PHF5A: variants seen among roughly 807,000 people sequenced by gnomAD.
The protein encoded by PHF5A is PHD finger protein 5A.
For missense variants in PHF5A, 24 were observed against 140.6 expected (o/e 0.17, Z 4.19); for synonymous variants, 52 against 46.0 (o/e 1.13, Z -0.52).
At chr22:41,465,938 A>G (rs1178925114) in intron 3 of PHF5A, among the ~76,000 whole-genome samples, 11 of 152,176 alleles carry the variant, frequency 7.2e-5, no homozygotes, top group African/African-American at 2.4e-5. Flanking sequence ...TAAGGACACT[A>G]CAAGGTTTAG....
intron 3 of PHF5A, among the ~76,000 whole-genome samples, chr22:41,466,713 A>G (rs750888484): frequency 1.3e-5 from 2 of 152,270 alleles, no homozygotes; most frequent in African/African-American, 2.4e-5. Context: ...TTTTTTGGCC[A>G]GGCGTGATGG....
At chr22:41,461,507 C>G (rs552620839) in intron 3 of PHF5A, among the ~76,000 whole-genome samples, 3 of 151,676 alleles carry the variant, frequency 2.0e-5, no homozygotes, top group African/African-American at 7.3e-5. Context: ...AGGTACACGC[C>G]GCCATGCCCG....
chr22:41,462,593 G>A (rs145887377), intron 3 of PHF5A, among the ~76,000 whole-genome samples: 2 of 152,246 alleles, frequency 1.3e-5, no homozygotes, highest in Non-Finnish European at 2.9e-5. Context: ...CTGGACAAAG[G>A]CCTGATATTA....
chr22:41,468,095 G>A, intron 2 of PHF5A, 29 bp downstream of exon 2: 1 of 1,612,884 alleles, frequency 6.2e-7, no homozygotes, highest in Non-Finnish European at 8.5e-7. Context: ...TGGGAAGGGT[G>A]GGTTGTTGGG....
In PHF5A at chr22:41,459,823, G is replaced by T. The variant is rs1320563713; in HGVS notation, c.*575C>A. 2 of 150,654 alleles carry T rather than the reference G, an allele frequency of 1.3e-5. No homozygotes were observed. The highest frequency in any genetic ancestry group is 2.4e-5 in the African/African-American group (1 of 40,832). The allele number at this position is 150,654 out of a possible 1,614,324, so 9.3% of individuals were successfully genotyped here. A position where few individuals can be genotyped will look rare whatever the true frequency, so the allele number is the denominator to read the frequency against. On this transcript the variant is annotated 3_prime_UTR_variant, in exon 4 of 4. Transcript: ENST00000216252. ...ACTAGTGGGCTATGATGATGCCTGT[G>T]AATAGCCAGCTACTGTACCCCACTG...
intron 2 of PHF5A, 48 bp from the exon 3 acceptor site, chr22:41,467,662 G>A (rs755238478): frequency 1.9e-6 from 3 of 1,591,364 alleles, no homozygotes; most frequent in South Asian, 1.1e-5. Context: ...TCAGTCCTCT[G>A]CTATCTCCTG....
intron 3 of PHF5A, 109 bp from the exon 4 acceptor site, chr22:41,460,596 C>T (rs1202306110): frequency 2.7e-6 from 2 of 727,936 alleles, no homozygotes; most frequent in Non-Finnish European, 4.3e-6. Flanking sequence ...GTCCCAGCTA[C>T]TACTCGAAGG....
chr22:41,468,042 C>G (rs1005163343), intron 2 of PHF5A, 82 bp downstream of exon 2: 3 of 1,472,334 alleles, frequency 2.0e-6, no homozygotes, highest in Non-Finnish European at 2.8e-6. Context: ...CTACTCAAAG[C>G]CCTCTTTGTG....
intron 2 of PHF5A, 99 bp from the exon 3 acceptor site, chr22:41,467,713 C>T: frequency 1.5e-6 from 2 of 1,292,704 alleles, no homozygotes; most frequent in East Asian, 2.3e-5. Context: ...ATACACTAGT[C>T]TCCTTTTGAC....
At chr22:41,463,279 A>T (rs979938843) in intron 3 of PHF5A, among the ~76,000 whole-genome samples, 10 of 152,108 alleles carry the variant, frequency 6.6e-5, no homozygotes, top group African/African-American at 2.4e-4. Flanking sequence ...ATGAGAAAAA[A>T]AAAATAAAAG....
intron 3 of PHF5A, 49 bp from the exon 4 acceptor site, chr22:41,460,536 A>T: frequency 2.7e-6 from 4 of 1,471,416 alleles, no homozygotes; most frequent in Non-Finnish European, 3.7e-6. Context: ...CTGAACCAAG[A>T]GTGACTTAAG....
At chr22:41,461,601 G>A (rs1790101886) in intron 3 of PHF5A, among the ~76,000 whole-genome samples, 1 of 151,868 alleles carries the variant, frequency 6.6e-6, no homozygotes, top group Non-Finnish European at 1.5e-5. Context: ...CAGGCAACCC[G>A]CCTGCCTCAG....
At chr22:41,462,727 T>C (rs890138021) in intron 3 of PHF5A, among the ~76,000 whole-genome samples, 1 of 152,136 alleles carries the variant, frequency 6.6e-6, no homozygotes, top group Admixed American at 6.6e-5. Context: ...GGACTTATAT[T>C]ACTCCTCAGC....
chr22:41,465,170 T>C (rs1263280671), intron 3 of PHF5A, among the ~76,000 whole-genome samples: 2 of 152,122 alleles, frequency 1.3e-5, no homozygotes, highest in Non-Finnish European at 1.5e-5. Context: ...GATTCAATGG[T>C]GTACTCACTT....
rs1021747450 is a variant in PHF5A, at chr22:41,468,685, C to T, written c.-32G>A. The stretch of plus-strand genomic sequence containing the variant: ...TAACTAAGCCGGCCACCGGAAGCTT[C>T]GGGAACTTCCGTCCGACCTTTAACC... On this transcript the variant is annotated 5_prime_UTR_variant, in exon 1 of 4. Coordinates refer to ENST00000216252, the MANE Select transcript of PHF5A (RefSeq NM_032758.4). 1 of 1,608,362 alleles carries T rather than the reference C, an allele frequency of 6.2e-7. No homozygotes were observed. Among genetic ancestry groups the T allele is most frequent in the Admixed American group, 1.7e-5 (1 of 59,994 alleles).
At chr22:41,467,668 T>C (rs1196632493) in intron 2 of PHF5A, 54 bp from the exon 3 acceptor site, 2 of 1,583,972 alleles carry the variant, frequency 1.3e-6, no homozygotes, top group African/African-American at 2.7e-5. Context: ...CTCTGCTATC[T>C]CCTGCCATGG....
chr22:41,461,498 G>A (rs2037827449), intron 3 of PHF5A, among the ~76,000 whole-genome samples: 1 of 150,298 alleles, frequency 6.7e-6, no homozygotes, highest in Non-Finnish European at 1.5e-5. Context: ...TGGGACTACA[G>A]GTACACGCCG....
Position 41,459,908 on chromosome 22 carries a change from A to ACG in PHF5A, c.*489_*490insCG, listed in dbSNP as rs1199738083. On this transcript the variant is annotated 3_prime_UTR_variant, in exon 4 of 4. Transcript: ENST00000216252. ...CAAGAGGGCAGAGCCCTGCCCCCCC[A>ACG]CCCCCCCCCCAAAAAAAACGGGAAA... is the stretch of plus-strand genomic sequence containing the variant. 1 of 56,972 alleles carries ACG rather than the reference A, an allele frequency of 1.8e-5. No individual in the cohort carries two copies. The highest frequency in any genetic ancestry group is 8.3e-4 in the East Asian group (1 of 1,198). 3.5% of individuals were successfully genotyped at this position (56,972 alleles called of 1,614,324 possible). A position where few individuals can be genotyped will look rare whatever the true frequency, so the allele number is the denominator to read the frequency against.
chr22:41,463,902 AAAAG>A (rs1454453705), intron 3 of PHF5A, among the ~76,000 whole-genome samples: 2 of 152,052 alleles, frequency 1.3e-5, no homozygotes, highest in African/African-American at 4.8e-5. Context: ...CTCAAAAAAA[AAAAG>A]AGTCAGACCA....
Sources: gnomAD v4.1 joint callset for allele counts (sites outside exome capture counted in the v4.1 genomes callset) on GRCh38, gnomAD v4.1.1 for gene constraint, MANE v1.5 for transcripts, NCBI Gene and HGNC (gene_info 2026-07-23, HGNC 2026-07-21) for gene names.